NIN: variants seen among roughly 807,000 people sequenced by gnomAD.
The protein encoded by NIN is glycogen synthase kinase 3 beta-interacting protein.
Under a neutral mutation model 257.6 loss-of-function variants are expected in NIN, and 137 were observed. That is an observed-to-expected ratio of 0.53 (90% confidence interval 0.46 to 0.61). NIN has a LOEUF of 0.61. Among genes scored for constraint, NIN ranks in the 20% least tolerant of loss-of-function variants. The pLI, the probability that NIN is intolerant of heterozygous loss-of-function variation, is 0.00. For synonymous variants in NIN, 918 were observed against 919.8 expected (o/e 1.00, Z 0.04); for missense variants, 2,439 against 2,501.2 (o/e 0.98, Z 0.53).
intron 4 of NIN, 176 bp downstream of exon 4, chr14:50,806,561 T>C: frequency 2.0e-6 from 1 of 497,978 alleles, no homozygotes; most frequent in East Asian, 3.3e-5. Flanking sequence ...CTCATTTTAG[T>C]GTTCAACAGC....
Position 50,761,886 on chromosome 14 carries a change from T to C in NIN, c.1800A>G (p.Pro600=), listed in dbSNP as rs757674538. 37 of 1,614,166 alleles carry C rather than the reference T, an allele frequency of 2.3e-5. No homozygotes were observed. The South Asian group carries it at 3.0e-4, about 13-fold the overall frequency. The part of the protein sequence containing the change: ...EHGLGSEECN[P]LNMSIEAELV... ...GCTCTGCCTCAATGCTCATATTCAATGGATTGCATTCTTCAGAACCGAGCC... is the reference window on the plus strand; with the variant it reads ...GCTCTGCCTCAATGCTCATATTCAACGGATTGCATTCTTCAGAACCGAGCC... Residue 600 remains proline, a synonymous_variant, in exon 16 of 31, where the codon CCA becomes CCG. Transcript: ENST00000530997.
chr14:50,800,785 C>CTT (rs11362674), intron 4 of NIN, among the ~76,000 whole-genome samples: 3 of 138,782 alleles, frequency 2.2e-5, no homozygotes, highest in Non-Finnish European at 4.7e-5. Context: ...TTTTTCTTTG[C>CTT]TTTTTTTTTT....
chr14:50,735,433 C>T (rs2140420687), intron 28 of NIN, 83 bp downstream of exon 28: 1 of 1,498,982 alleles, frequency 6.7e-7, no homozygotes, highest in East Asian at 2.4e-5. Flanking sequence ...GAATTCAATG[C>T]CATGTCTAGT....
chr14:50,762,433 A>G (rs188684906), intron 15 of NIN, among the ~76,000 whole-genome samples: 27 of 152,310 alleles, frequency 1.8e-4, no homozygotes, highest in Middle Eastern at 6.8e-3. Flanking sequence ...CCTATTTCCT[A>G]TGAATTTCCT....
intron 22 of NIN, among the ~76,000 whole-genome samples, chr14:50,746,130 C>T (rs981405052): frequency 1.3e-5 from 2 of 151,852 alleles, no homozygotes; most frequent in African/African-American, 4.8e-5. Flanking sequence ...TGTTCTCCAG[C>T]TTAGCAAAGC....
chr14:50,768,510 A>G (rs2042597459), intron 12 of NIN, among the ~76,000 whole-genome samples: 1 of 152,108 alleles, frequency 6.6e-6, no homozygotes, highest in Admixed American at 6.5e-5. Flanking sequence ...TGTAATGGGA[A>G]TGAAAAAGTA....
chr14:50,737,913 G>A (rs182542496), intron 27 of NIN, among the ~76,000 whole-genome samples: 30 of 152,188 alleles, frequency 2.0e-4, no homozygotes, highest in African/African-American at 7.2e-4. Context: ...CCAAAGTGCT[G>A]GGATTACAGG....
chr14:50,794,965 C>T (rs1327544218), intron 4 of NIN, among the ~76,000 whole-genome samples: 1 of 152,148 alleles, frequency 6.6e-6, no homozygotes, highest in Non-Finnish European at 1.5e-5. Context: ...TGTGAGCCAG[C>T]AGGGACCCTG....
intron 12 of NIN, among the ~76,000 whole-genome samples, chr14:50,769,534 G>T (rs555993551): frequency 2.0e-5 from 3 of 151,894 alleles, no homozygotes; most frequent in South Asian, 2.1e-4. Context: ...GTCTTGCTCT[G>T]TCGCCTAGGC....
At chr14:50,813,147 C>G (rs566524463) in intron 3 of NIN, among the ~76,000 whole-genome samples, 4 of 152,332 alleles carry the variant, frequency 2.6e-5, no homozygotes, top group East Asian at 1.9e-4. Flanking sequence ...ATGAACACCC[C>G]CACCGGTGGG....
At chr14:50,824,259 C>A (rs2045362202) in intron 2 of NIN, among the ~76,000 whole-genome samples, 2 of 152,072 alleles carry the variant, frequency 1.3e-5, no homozygotes, top group African/African-American at 4.8e-5. Flanking sequence ...ACTGAGAAGC[C>A]CTGATCTTAT....
At chr14:50,734,602 C>G (rs143610047) in intron 28 of NIN, among the ~76,000 whole-genome samples, 34 of 152,248 alleles carry the variant, frequency 2.2e-4, no homozygotes, top group African/African-American at 7.7e-4. Context: ...TATAATTAAA[C>G]TCGGTATTCA....
In NIN at chr14:50,726,049, C is replaced by A. The variant is rs888594594; in HGVS notation, c.6096G>T (p.Leu2032=). Residue 2032 remains leucine (L), a synonymous_variant, in exon 30 of 31, where the codon CTG becomes CTT. Transcript: ENST00000530997. ...TNTPQGNQEQ[L]VTVMEERMIE... ...TCATTCGTTCCTCCATGACAGTTAC[C>A]AGTTGTTCCTGGTTTCCCTGAAGGG... The A allele has an allele frequency of 9.3e-6, 15 of 1,612,836 alleles. No homozygotes were observed. In the Admixed American group the frequency reaches 1.8e-4, roughly 20 times the overall value.
intron 3 of NIN, among the ~76,000 whole-genome samples, chr14:50,812,446 A>C (rs775470331): frequency 6.6e-6 from 1 of 152,200 alleles, no homozygotes; most frequent in Admixed American, 6.5e-5. Flanking sequence ...TGTAAAGCAC[A>C]CACCAAGTAT....
At chr14:50,725,754 G>A in intron 30 of NIN, 199 bp downstream of exon 30, 1 of 893,136 alleles carries the variant, frequency 1.1e-6, no homozygotes, top group Non-Finnish European at 1.7e-6. Context: ...CTTAAACAGA[G>A]CTTTGGAAAA....
At chr14:50,787,537 A>C (rs1301646060) in intron 5 of NIN, among the ~76,000 whole-genome samples, 1 of 152,262 alleles carries the variant, frequency 6.6e-6, no homozygotes, top group Non-Finnish European at 1.5e-5. Flanking sequence ...GTTGGAATCA[A>C]GAAGGTGCCC....
intron 3 of NIN, among the ~76,000 whole-genome samples, chr14:50,812,770 A>G (rs908413088): frequency 1.3e-5 from 2 of 152,228 alleles, no homozygotes; most frequent in African/African-American, 4.8e-5. Flanking sequence ...GATGTAGTAA[A>G]TCAGCCTCAT....
chr14:50,757,451 G>C lies in NIN; in HGVS notation c.3579C>G (p.Ser1193=), dbSNP rs2042081091. ...LENSEETRTE[S]WELKNQISQL... The stretch of plus-strand genomic sequence containing the variant: ...GACTAATCTGATTCTTCAGCTCCCA[G>C]GATTCAGTCCTGGTCTCTTCACTGT... Residue 1193 remains serine (S), a synonymous_variant, in exon 18 of 31, where the codon TCC becomes TCG. Transcript: ENST00000530997. The C allele has an allele frequency of 6.2e-7, 1 of 1,614,108 alleles. No homozygotes were observed. Among genetic ancestry groups the C allele is most frequent in the Non-Finnish European group, 8.5e-7 (1 of 1,180,008 alleles).
intron 22 of NIN, among the ~76,000 whole-genome samples, 174 bp downstream of exon 22, chr14:50,747,818 G>A (rs896917132): frequency 2.0e-5 from 3 of 152,040 alleles, no homozygotes; most frequent in South Asian, 2.1e-4. Flanking sequence ...AGCCTTTACA[G>A]ATAGGATTTT....
Sources: gnomAD v4.1 joint callset for allele counts (sites outside exome capture counted in the v4.1 genomes callset) on GRCh38, gnomAD v4.1.1 for gene constraint, MANE v1.5 for transcripts, NCBI Gene and HGNC (gene_info 2026-07-23, HGNC 2026-07-21) for gene names.